IMMP2L: variants seen among roughly 807,000 people sequenced by gnomAD.
The protein encoded by IMMP2L is inner mitochondrial membrane peptidase subunit 2.
In IMMP2L, 18 loss-of-function variants were observed where a neutral mutation model predicts 19.3. That is an observed-to-expected ratio of 0.93 (90% confidence interval 0.64 to 1.38). The LOEUF (loss-of-function observed/expected upper bound fraction) is 1.38, where lower values mean the gene tolerates loss of function less well. Among genes scored for constraint, IMMP2L ranks in the 40% most tolerant of loss-of-function variants. IMMP2L has a pLI of 0.00. For missense variants in IMMP2L, 233 were observed against 218.2 expected (o/e 1.07, Z -0.43); for synonymous variants, 76 against 73.0 (o/e 1.04, Z -0.21).
At chr7:110,846,348 CTTTTTTT>C (rs919194286) in intron 5 of IMMP2L, among the ~76,000 whole-genome samples, 6 of 126,438 alleles carry the variant, frequency 4.7e-5, no homozygotes, top group African/African-American at 9.0e-5. Context: ...ACCCTGATTT[CTTTTTTT>C]TTTTTTTTTT....
chr7:111,198,130 G>A (rs920997558), intron 3 of IMMP2L, among the ~76,000 whole-genome samples: 20 of 151,962 alleles, frequency 1.3e-4, no homozygotes, highest in African/African-American at 4.6e-4. Flanking sequence ...CTGTCCTCCA[G>A]GACACAAGAA....
intron 3 of IMMP2L, among the ~76,000 whole-genome samples, chr7:111,059,401 T>C (rs781026509): frequency 1.3e-5 from 2 of 152,198 alleles, no homozygotes; most frequent in African/African-American, 2.4e-5. Context: ...TATCCACATA[T>C]AGGATAGTGG....
intron 2 of IMMP2L, among the ~76,000 whole-genome samples, chr7:111,490,461 C>T (rs912921135): frequency 2.6e-5 from 4 of 151,412 alleles, no homozygotes; most frequent in African/African-American, 9.8e-5. Context: ...TCCCAGTCAA[C>T]CAGTTTAAAA....
intron 3 of IMMP2L, among the ~76,000 whole-genome samples, chr7:111,201,858 C>T (rs1242741672): frequency 6.6e-6 from 1 of 152,126 alleles, no homozygotes; most frequent in East Asian, 1.9e-4. Flanking sequence ...TGTGGGAACA[C>T]AGCAAGAAAA....
rs555655422 is a variant in IMMP2L at position 111,324,585 on chromosome 7, T to C, written c.239+162653A>G. 5.8e-3 allele frequency among the ~76,000 whole-genome samples: 884 copies of C among 151,920 alleles called. 2 individuals are homozygous for C. Among genetic ancestry groups the C allele is most frequent in the South Asian group, 8.5e-3 (41 of 4,820 alleles). On this transcript the variant is annotated intron_variant, in intron 3 of 5. Coordinates refer to ENST00000405709, the MANE Select transcript of IMMP2L (RefSeq NM_032549.4). ...AACCAGTAAATATTTTTAACAATAG[T>C]TCCTAGAGTCAAATAAAAAATTCAT... is the stretch of plus-strand genomic sequence containing the variant.
At chr7:110,791,846 T>C (rs1200149749) in intron 5 of IMMP2L, among the ~76,000 whole-genome samples, 1 of 151,814 alleles carries the variant, frequency 6.6e-6, no homozygotes, top group East Asian at 1.9e-4. Context: ...TTTCCTTCTC[T>C]GAAACTCAAC....
At chr7:111,000,084 G>A (rs2129561124) in intron 3 of IMMP2L, among the ~76,000 whole-genome samples, 1 of 152,206 alleles carries the variant, frequency 6.6e-6, no homozygotes, top group African/African-American at 2.4e-5. Context: ...TGTGGTTGTT[G>A]CTGTTTGTTG....
chr7:110,833,127 G>A (rs1410946507), intron 5 of IMMP2L, among the ~76,000 whole-genome samples: 1 of 152,132 alleles, frequency 6.6e-6, no homozygotes, highest in East Asian at 1.9e-4. Flanking sequence ...ACAAGAAAAA[G>A]TGGAGCTCTT....
At chr7:111,126,151 C>A (rs2129591281) in intron 3 of IMMP2L, among the ~76,000 whole-genome samples, 1 of 152,082 alleles carries the variant, frequency 6.6e-6, no homozygotes, top group Admixed American at 6.6e-5. Context: ...GAAACTATTG[C>A]CAAATTTCAT....
chr7:110,745,432 T>C (rs4730457), intron 5 of IMMP2L, among the ~76,000 whole-genome samples: 151,988 of 152,074 alleles, frequency 1, 75,951 homozygotes, highest in Middle Eastern at 1. Context: ...GAAGAGCAAC[T>C]CCAAGACACA....
intron 4 of IMMP2L, among the ~76,000 whole-genome samples, chr7:110,897,850 T>A (rs1434521822): frequency 6.6e-6 from 1 of 152,106 alleles, no homozygotes; most frequent in Non-Finnish European, 1.5e-5. Context: ...TTATCCTTTG[T>A]AAAAAGGAAA....
intron 3 of IMMP2L, among the ~76,000 whole-genome samples, chr7:111,170,705 A>AT (rs1379229277): frequency 1.3e-5 from 2 of 151,824 alleles, no homozygotes; most frequent in African/African-American, 2.4e-5. Context: ...TACCTAAGGT[A>AT]TACATCATCT....
intron 3 of IMMP2L, among the ~76,000 whole-genome samples, chr7:111,098,512 T>A (rs942332849): frequency 1.3e-5 from 2 of 151,800 alleles, no homozygotes; most frequent in African/African-American, 4.8e-5. Context: ...CATAAATTAA[T>A]GTAAGCAGAG....
At chr7:111,395,418 C>T (rs1460258888) in intron 3 of IMMP2L, among the ~76,000 whole-genome samples, 2 of 152,122 alleles carry the variant, frequency 1.3e-5, no homozygotes, top group Non-Finnish European at 2.9e-5. Context: ...ACTACATGAA[C>T]TCAGTTTTAC....
chr7:111,193,868 A>G (rs1348677382), intron 3 of IMMP2L, among the ~76,000 whole-genome samples: 1 of 152,140 alleles, frequency 6.6e-6, no homozygotes, highest in African/African-American at 2.4e-5. Flanking sequence ...CTATGGGTCA[A>G]CTTCCCATTA....
intron 3 of IMMP2L, among the ~76,000 whole-genome samples, chr7:111,266,486 C>G (rs747801477): frequency 4.8e-5 from 7 of 147,258 alleles, no homozygotes; most frequent in Non-Finnish European, 1.0e-4. Flanking sequence ...GAGGTTGCAG[C>G]GAGCCAAGAT....
At chr7:111,509,812 T>C (rs1447326329) in intron 2 of IMMP2L, among the ~76,000 whole-genome samples, 4 of 151,776 alleles carry the variant, frequency 2.6e-5, no homozygotes, top group Non-Finnish European at 5.9e-5. Context: ...CCTCAAAGTC[T>C]AAGAAAAAAA....
rs1584838995 is a variant in IMMP2L at position 111,371,301 on chromosome 7, T to C, written c.239+115937A>G. 2.6e-5 allele frequency among the ~76,000 whole-genome samples: 4 copies of C among 151,996 alleles called. No individual in the cohort carries two copies. In the South Asian group the frequency reaches 8.3e-4, roughly 31 times the overall value. Reference sequence around the variant, plus strand: ...CTACAGTATCCTAGATTCTGCAGCCTGCCTTCTCTCAAAATGTCTGCATAC... The same window carrying C: ...CTACAGTATCCTAGATTCTGCAGCCCGCCTTCTCTCAAAATGTCTGCATAC... On this transcript the variant is annotated intron_variant, in intron 3 of 5. Coordinates refer to ENST00000405709, the MANE Select transcript of IMMP2L (RefSeq NM_032549.4).
chr7:111,501,954 C>G (rs1013678242), intron 2 of IMMP2L, among the ~76,000 whole-genome samples: 2 of 151,990 alleles, frequency 1.3e-5, no homozygotes, highest in South Asian at 2.1e-4. Context: ...AATGACAGGA[C>G]CAAATTCACA....
Sources: allele counts gnomAD v4.1 joint callset (sites outside exome capture counted in the v4.1 genomes callset), GRCh38; gene constraint gnomAD v4.1.1; transcripts MANE v1.5; gene names NCBI Gene and HGNC (gene_info 2026-07-23, HGNC 2026-07-21).